Variants in ZC3H14 observed in about 807,000 individuals in gnomAD.
ZC3H14 encodes zinc finger CCCH domain-containing protein 14.
A neutral mutation model predicts 92.4 loss-of-function variants in ZC3H14; 31 were observed. The observed-to-expected ratio is 0.34, with a 90% confidence interval of 0.25 to 0.45. The LOEUF (loss-of-function observed/expected upper bound fraction) is 0.45, where lower values mean the gene tolerates loss of function less well. ZC3H14 is among the 20% of genes least tolerant of loss of function. The probability of loss-of-function intolerance (pLI) is 1.00; values close to 1 mark genes in which losing one functional copy is unlikely to be tolerated. For missense variants in ZC3H14, 781 were observed against 897.3 expected, an observed-to-expected ratio of 0.87 and a Z score of 1.66; for synonymous variants, 321 against 300.9, an observed-to-expected ratio of 1.07 and a Z score of -0.69.
At chr14:88,577,258 A>G (rs1281379189) in intron 8 of ZC3H14, among the ~76,000 whole-genome samples, 1 of 152,186 alleles carries the variant, frequency 6.6e-6, no homozygotes, top group African/African-American at 2.4e-5. Context: ...TTCCTGATCT[A>G]TCAGCAATAT....
chr14:88,616,622 T>G lies in ZC3H14; in HGVS notation c.*4871T>G. ...AGATTTAGAAAGTTTGGGGAAAAAT[T>G]TAGAAATTAGGACAAAACATTTTAA... On this transcript the variant is annotated 3_prime_UTR_variant, in exon 17 of 17. Coordinates refer to ENST00000251038, the MANE Select transcript of ZC3H14 (RefSeq NM_024824.5). The G allele has an allele frequency of 8.2e-7, 1 of 1,220,106 alleles. No individual in the cohort carries two copies. Among genetic ancestry groups the G allele is most frequent in the Non-Finnish European group, 1.1e-6 (1 of 900,518 alleles). 75.6% of individuals were successfully genotyped at this position (1,220,106 alleles called of 1,614,324 possible).
chr14:88,570,972 A>G lies in ZC3H14; in HGVS notation c.195-112A>G, dbSNP rs563790243. 24 of 822,422 alleles carry G rather than the reference A, an allele frequency of 2.9e-5. No homozygotes were observed. In the South Asian group the frequency reaches 7.4e-4, roughly 25 times the overall value. The allele number at this position is 822,422 out of a possible 1,614,324, so 50.9% of individuals were successfully genotyped here. ...CTCTATTTAAAAATAATAAAAATAT[A>G]AAAAAATTTAAAAAATTATCTCTGA... On this transcript the variant is annotated intron_variant, in intron 3 of 16. Coordinates refer to ENST00000251038, the MANE Select transcript of ZC3H14 (RefSeq NM_024824.5).
chr14:88,564,288 T>C (rs1039394167), intron 2 of ZC3H14, among the ~76,000 whole-genome samples: 1 of 152,226 alleles, frequency 6.6e-6, no homozygotes. Flanking sequence ...TCCGTCTCTT[T>C]ATTCTTTTAT....
intron 8 of ZC3H14, among the ~76,000 whole-genome samples, chr14:88,576,813 C>T (rs1323676772): frequency 5.3e-5 from 8 of 151,800 alleles, no homozygotes; most frequent in African/African-American, 9.7e-5. Context: ...TTTTTTGAGG[C>T]GAAGTCTTGC....
chr14:88,566,931 A>G (rs1566882374), intron 2 of ZC3H14, among the ~76,000 whole-genome samples: 4 of 151,768 alleles, frequency 2.6e-5, no homozygotes, highest in African/African-American at 7.3e-5. Flanking sequence ...AAAGAAAAAA[A>G]AAAAAAAGAG....
chr14:88,577,791 A>G (rs1304897853), intron 8 of ZC3H14, among the ~76,000 whole-genome samples, 194 bp from the exon 9 acceptor site: 1 of 152,042 alleles, frequency 6.6e-6, no homozygotes, highest in African/African-American at 2.4e-5. Context: ...GCTGGTCTCA[A>G]ACTCCTGACC....
intron 2 of ZC3H14, 148 bp downstream of exon 2, chr14:88,563,841 T>G: frequency 1.3e-6 from 1 of 792,292 alleles, no homozygotes; most frequent in Non-Finnish European, 2.1e-6. Context: ...GGTTACTTCT[T>G]TATCATCTTT....
intron 13 of ZC3H14, chr14:88,608,150 C>G (rs1358882890): frequency 2.9e-6 from 1 of 346,210 alleles, no homozygotes; most frequent in African/African-American, 3.3e-5. Flanking sequence ...AAGTACCATC[C>G]CCCATCTCAC....
chr14:88,594,856 A>G, intron 9 of ZC3H14: 1 of 1,614,114 alleles, frequency 6.2e-7, no homozygotes, highest in African/African-American at 1.3e-5. Flanking sequence ...CCACCTTTTA[A>G]GGAAAATATC....
At position 88,602,039 on chromosome 14, in the gene ZC3H14, T is replaced by C; in HGVS notation, c.1470T>C (p.Thr490=). 6.2e-7 allele frequency: 1 copy of C among 1,614,158 alleles called. No individual in the cohort carries two copies. Residue 490 remains threonine (T), a synonymous_variant, in exon 11 of 17, where the codon ACT becomes ACC. Coordinates refer to ENST00000251038, the MANE Select transcript of ZC3H14 (RefSeq NM_024824.5). Reference sequence around the variant, plus strand: ...CAAACCAAGAGTCGGGGATGAAGACTGCAGATTCCCTTCGGGTACTTTCAG... The same window carrying C: ...CAAACCAAGAGTCGGGGATGAAGACCGCAGATTCCCTTCGGGTACTTTCAG... The part of the protein sequence containing the change: ...VAPNQESGMK[T]ADSLRVLSGH...
At chr14:88,577,234 T>A (rs2081288133) in intron 8 of ZC3H14, among the ~76,000 whole-genome samples, 1 of 152,194 alleles carries the variant, frequency 6.6e-6, no homozygotes, top group Non-Finnish European at 1.5e-5. Context: ...CCTAATGATA[T>A]ATCTACATTT....
At chr14:88,592,991 T>A (rs549052746) in intron 9 of ZC3H14, among the ~76,000 whole-genome samples, 1 of 145,516 alleles carries the variant, frequency 6.9e-6, no homozygotes, top group East Asian at 2.0e-4. Flanking sequence ...TTTTTTGAGA[T>A]GGAGTCTCCC....
chr14:88,612,792 T>G lies in ZC3H14; in HGVS notation c.*1041T>G, dbSNP rs1235504794. 2.0e-5 allele frequency: 3 copies of G among 152,568 alleles called. No individual in the cohort carries two copies. Among genetic ancestry groups the G allele is most frequent in the Non-Finnish European group, 2.9e-5 (2 of 68,018 alleles). The allele number at this position is 152,568 out of a possible 1,614,324, so 9.5% of individuals were successfully genotyped here. A position where few individuals can be genotyped will look rare whatever the true frequency, so the allele number is the denominator to read the frequency against. On this transcript the variant is annotated 3_prime_UTR_variant, in exon 17 of 17. Coordinates refer to ENST00000251038, the MANE Select transcript of ZC3H14 (RefSeq NM_024824.5). ...CTACTGTATTACTTACAGAGTTTTT[T>G]TGTGTGTGGTTTTTAAAACTGTTAA... is the stretch of plus-strand genomic sequence containing the variant.
At chr14:88,598,164 T>TTAAATG (rs2084109498) in intron 10 of ZC3H14, among the ~76,000 whole-genome samples, 1 of 152,140 alleles carries the variant, frequency 6.6e-6, no homozygotes, top group Admixed American at 6.5e-5. Context: ...GGTCTTACAT[T>TTAAATG]TAAGAGTGGA....
chr14:88,603,656 T>A (rs978831680), intron 12 of ZC3H14, among the ~76,000 whole-genome samples: 3 of 152,204 alleles, frequency 2.0e-5, no homozygotes. Flanking sequence ...ACGCCACTGA[T>A]CATTTCCATT....
Position 88,627,176 on chromosome 14 carries a change from C to T in ZC3H14, c.*15425C>T. On this transcript the variant is annotated 3_prime_UTR_variant, in exon 17 of 17. Transcript: ENST00000251038. ...AGAGAGGCCAATGGCCCCTGCTCTA[C>T]TACCTAGCAATACATGATTTACAAT... 1 of 797,816 alleles carries T rather than the reference C, an allele frequency of 1.3e-6. No homozygotes were observed. The highest frequency in any genetic ancestry group is 2.0e-6 in the Non-Finnish European group (1 of 491,574). 49.4% of individuals were successfully genotyped at this position (797,816 alleles called of 1,614,324 possible). A position where few individuals can be genotyped will look rare whatever the true frequency, so the allele number is the denominator to read the frequency against.
Position 88,621,568 on chromosome 14 carries a change from CAA to C in ZC3H14, c.*9819_*9820del. The C allele has an allele frequency of 2.1e-6, 1 of 476,138 alleles. No homozygotes were observed. Among genetic ancestry groups the C allele is most frequent in the South Asian group, 3.0e-5 (1 of 33,326 alleles). 29.5% of individuals were successfully genotyped at this position (476,138 alleles called of 1,614,324 possible). ...CAGTACACCTGGATTCTTCAATAATCAAAGTTTTTATTTGATAATCTTAGGAT... is the reference window on the plus strand; with the variant it reads ...CAGTACACCTGGATTCTTCAATAATCAGTTTTTATTTGATAATCTTAGGAT... On this transcript the variant is annotated 3_prime_UTR_variant, in exon 17 of 17. Coordinates refer to ENST00000251038, the MANE Select transcript of ZC3H14 (RefSeq NM_024824.5).
intron 12 of ZC3H14, among the ~76,000 whole-genome samples, chr14:88,604,327 T>G (rs1216560140): frequency 6.6e-6 from 1 of 152,146 alleles, no homozygotes; most frequent in African/African-American, 2.4e-5. Flanking sequence ...TTGCTTTGAC[T>G]GGGGACTCAG....
intron 9 of ZC3H14, among the ~76,000 whole-genome samples, chr14:88,582,956 T>C (rs1386992122): frequency 6.6e-6 from 1 of 152,138 alleles, no homozygotes; most frequent in Non-Finnish European, 1.5e-5. Flanking sequence ...GTCTTTATTT[T>C]TACTAGCGCA....
Sources: gnomAD v4.1 joint callset for allele counts (sites outside exome capture counted in the v4.1 genomes callset) on GRCh38, gnomAD v4.1.1 for gene constraint, MANE v1.5 for transcripts, NCBI Gene and HGNC (gene_info 2026-07-23, HGNC 2026-07-21) for gene names.